The following KMT2C variants were observed in gnomAD, a reference collection of about 807,000 sequenced individuals.
KMT2C encodes lysine methyltransferase 2C.
Under a neutral mutation model 507.9 loss-of-function variants are expected in KMT2C, and 88 were observed. That is an observed-to-expected ratio of 0.17 (90% CI 0.15 to 0.21). KMT2C has a LOEUF of 0.21. Ranked by LOEUF, KMT2C falls within the 10% of genes least tolerant of loss-of-function variation. KMT2C has a pLI of 1.00. For missense variants in KMT2C, 4,954 were observed against 5,957.8 expected (o/e 0.83, Z 5.55); for synonymous variants, 2,049 against 2,080.8 (o/e 0.98, Z 0.42).
rs759625657 is a variant in KMT2C at position 152,177,810 on chromosome 7, A to G, written c.7643T>C (p.Val2548Ala). 1.1e-5 allele frequency: 17 copies of G among 1,613,840 alleles called. No individual in the cohort carries two copies. The South Asian group carries it at 1.8e-4, about 17-fold the overall frequency. ...PQHFSPQSLP[V>A]QQHNILGQAY... ...TTGGCCCAGTATGTTGTGCTGCTGA[A>G]CTGGCAAGCTCTGTGGTGAAAAATG... The change falls in exon 38 of 59, where the codon GTT becomes GCT. Residue 2548 changes from valine to alanine, a missense_variant. By Grantham distance (64) the Val-to-Ala change is moderately conservative (BLOSUM62 0). Transcript: ENST00000262189.
In KMT2C at chr7:152,315,189, G is replaced by T. The variant is rs993057943; in HGVS notation, c.539C>A (p.Thr180Asn). 1.2e-6 allele frequency: 2 copies of T among 1,613,816 alleles called. No homozygotes were observed. Among genetic ancestry groups the T allele is most frequent in the Non-Finnish European group, 8.5e-7 (1 of 1,179,958 alleles). The change falls in exon 4 of 59, where the codon ACC (threonine) becomes AAC (asparagine). Residue 180 changes from threonine to asparagine, a missense_variant. Coordinates refer to ENST00000262189, the MANE Select transcript of KMT2C (RefSeq NM_170606.3). Reference sequence around the variant, plus strand: ...TGCTGAGTTTTGCATTTTCTCATAGGTTCCATTGCTGTTGTCATCAATGTC... The same window carrying T: ...TGCTGAGTTTTGCATTTTCTCATAGTTTCCATTGCTGTTGTCATCAATGTC... ...KKDIDDNSNG[T>N]YEKMQNSAPR...
rs941932752 is a variant in KMT2C at position 152,135,382 on chromosome 7, G to T, written c.*1450C>A. The T allele has an allele frequency of 9.3e-6, 2 of 215,608 alleles. No individual in the cohort carries two copies. Among genetic ancestry groups the T allele is most frequent in the Non-Finnish European group, 1.9e-5 (2 of 106,860 alleles). 13.4% of individuals were successfully genotyped at this position (215,608 alleles called of 1,614,324 possible). On this transcript the variant is annotated 3_prime_UTR_variant, in exon 59 of 59. Coordinates refer to ENST00000262189, the MANE Select transcript of KMT2C (RefSeq NM_170606.3). Reference sequence around the variant, plus strand: ...CAAAATGCTGATTAAGTTTCTACAAGCAAACACAAAACAGTGTTTTTTTTA... The same window carrying T: ...CAAAATGCTGATTAAGTTTCTACAATCAAACACAAAACAGTGTTTTTTTTA...
At chr7:152,237,598 A>G (rs1588479190) in intron 15 of KMT2C, among the ~76,000 whole-genome samples, 1 of 152,254 alleles carries the variant, frequency 6.6e-6, no homozygotes, top group African/African-American at 2.4e-5. Context: ...CCTGGGTTCC[A>G]GCAATTCTCC....
chr7:152,205,448 ACAAAAAGACC>A (rs1293946459), intron 24 of KMT2C, among the ~76,000 whole-genome samples: 3 of 152,000 alleles, frequency 2.0e-5, no homozygotes, highest in Non-Finnish European at 4.4e-5. Context: ...CAAACAGAAT[ACAAAAAGACC>A]TGTGTGCACT....
intron 1 of KMT2C, chr7:152,366,991 G>C (rs1172958090): frequency 1.8e-6 from 1 of 561,138 alleles, no homozygotes; most frequent in Non-Finnish European, 3.2e-6. Context: ...TTGCAGCCCC[G>C]GCCGCACCCT....
In KMT2C at chr7:152,248,083, G is replaced by T. The variant is rs780343727; in HGVS notation, c.2351C>A (p.Ser784Tyr). The T allele has an allele frequency of 6.8e-6, 11 of 1,614,134 alleles. No individual in the cohort carries two copies. Among genetic ancestry groups the T allele is most frequent in the Non-Finnish European group, 8.5e-6 (10 of 1,180,032 alleles). Reference sequence around the variant, plus strand: ...AGGCAAGTCTGAAGAAGGTGTTGGGGAGGAAGACACATCTGCCTTGCTTAT... The same window carrying T: ...AGGCAAGTCTGAAGAAGGTGTTGGGTAGGAAGACACATCTGCCTTGCTTAT... ...ADISKADVSS[S>Y]PTPSSDLPSH... Residue 784 changes from serine to tyrosine, a missense_variant, in exon 14 of 59, where the codon TCC becomes TAC. Ser to Tyr is a moderately radical substitution (Grantham distance 144). Coordinates refer to ENST00000262189, the MANE Select transcript of KMT2C (RefSeq NM_170606.3).
At chr7:152,223,893 T>C (rs548581500) in intron 20 of KMT2C, 122 bp downstream of exon 20, 154 of 719,312 alleles carry the variant, frequency 2.1e-4, no homozygotes, top group Non-Finnish European at 3.2e-4. Context: ...ACTAAAAATC[T>C]ACAAGGCAAA....
At chr7:152,289,544 C>CAATT (rs896943690) in intron 6 of KMT2C, among the ~76,000 whole-genome samples, 11 of 152,122 alleles carry the variant, frequency 7.2e-5, no homozygotes, top group African/African-American at 2.4e-4. Context: ...CATGTAAGAA[C>CAATT]AAATAACAAA....
chr7:152,387,227 A>G (rs182467490), intron 1 of KMT2C, among the ~76,000 whole-genome samples: 8 of 151,942 alleles, frequency 5.3e-5, no homozygotes, highest in Admixed American at 5.2e-4. Flanking sequence ...AAAATATTAA[A>G]TATACAACTT....
intron 16 of KMT2C, among the ~76,000 whole-genome samples, chr7:152,232,682 G>A (rs1376548623): frequency 1.3e-5 from 2 of 152,014 alleles, no homozygotes; most frequent in Admixed American, 6.5e-5. Context: ...AAAATGTATT[G>A]ATGTGTTACA....
intron 1 of KMT2C, among the ~76,000 whole-genome samples, chr7:152,372,758 G>A (rs929511121): frequency 5.3e-5 from 8 of 152,106 alleles, no homozygotes; most frequent in African/African-American, 1.9e-4. Flanking sequence ...TAGCAATACC[G>A]TAATAGTGGG....
intron 1 of KMT2C, among the ~76,000 whole-genome samples, chr7:152,379,291 A>G (rs2097351883): frequency 1.3e-5 from 2 of 152,196 alleles, no homozygotes; most frequent in Non-Finnish European, 2.9e-5. Flanking sequence ...CTGTATTCCC[A>G]GCACTTCGGG....
At chr7:152,218,219 C>T (rs2094638539) in intron 23 of KMT2C, among the ~76,000 whole-genome samples, 1 of 152,146 alleles carries the variant, frequency 6.6e-6, no homozygotes, top group Non-Finnish European at 1.5e-5. Context: ...GGCTGGAGTG[C>T]AGTGGCTCGA....
At position 152,282,307 on chromosome 7, in the gene KMT2C, AAAAG is replaced by A. The variant is rs1261290963; in HGVS notation, c.850-8444_850-8441del. Reference sequence around the variant, plus strand: ...GCTGGACCTTGTCTCAAAAAAAAAAAAAAGAAAGAAAGAAAAGAAAGTAGCCACT... The same window carrying A: ...GCTGGACCTTGTCTCAAAAAAAAAAAAAAGAAAGAAAAGAAAGTAGCCACT... On this transcript the variant is annotated intron_variant, in intron 6 of 58. Coordinates refer to ENST00000262189, the MANE Select transcript of KMT2C (RefSeq NM_170606.3). Among the ~76,000 whole-genome samples, 160 of 151,914 alleles carry A rather than the reference AAAAG, an allele frequency of 1.1e-3. 1 individual carries two copies. The East Asian group carries it at 0.026, about 25-fold the overall frequency.
At chr7:152,347,613 T>C (rs1479844937) in intron 2 of KMT2C, among the ~76,000 whole-genome samples, 1 of 152,230 alleles carries the variant, frequency 6.6e-6, no homozygotes, top group African/African-American at 2.4e-5. Flanking sequence ...AGTTATTATT[T>C]AATACTACAT....
chr7:152,417,932 GCGCCCAC>G (rs761794919), intron 1 of KMT2C, among the ~76,000 whole-genome samples: 7,381 of 110,440 alleles, frequency 0.067, 321 homozygotes, highest in African/African-American at 0.15. Context: ...ATGAGCCACC[GCGCCCAC>G]CCTCTTTCTT....
At chr7:152,195,544 A>G in intron 28 of KMT2C, 2 of 985,302 alleles carry the variant, frequency 2.0e-6, no homozygotes, top group East Asian at 1.1e-4. Flanking sequence ...GTGAGCTCTC[A>G]ACCTGGAAAG....
Position 152,149,004 on chromosome 7 carries a change from G to A in KMT2C, c.12923C>T (p.Ala4308Val), listed in dbSNP as rs751330761. ...KASPPASPPI[A>V]FPPAFEAAQV... is the part of the protein sequence containing the mutation. ...GGCTGCTTCAAAAGCAGGAGGGAAG[G>A]CGATGGGTGGTGAGGCAGGGGGAGA... Residue 4308 changes from alanine to valine, a missense_variant, in exon 52 of 59, where the codon GCC becomes GTC. Coordinates refer to ENST00000262189, the MANE Select transcript of KMT2C (RefSeq NM_170606.3). The A allele has an allele frequency of 2.6e-6, 4 of 1,562,032 alleles. No individual in the cohort carries two copies. Among genetic ancestry groups the A allele is most frequent in the Non-Finnish European group, 3.5e-6 (4 of 1,156,642 alleles).
At chr7:152,215,700 TACACACACAAAATATATATATATACAC>T (rs1260439501) in intron 23 of KMT2C, among the ~76,000 whole-genome samples, 2 of 135,772 alleles carry the variant, frequency 1.5e-5, no homozygotes, top group Non-Finnish European at 3.0e-5. Flanking sequence ...CACACACACA[TACACACACAAAATATATATATATACAC>T]ACACACACAC....
Sources: allele counts gnomAD v4.1 joint callset (sites outside exome capture counted in the v4.1 genomes callset), GRCh38; gene constraint gnomAD v4.1.1; transcripts MANE v1.5; gene names NCBI Gene and HGNC (gene_info 2026-07-23, HGNC 2026-07-21).